The following DCC variants were observed in gnomAD, a reference collection of about 807,000 sequenced individuals.
DCC encodes the protein netrin receptor DCC.
Under a neutral mutation model 172.5 loss-of-function variants are expected in DCC, and 58 were observed. The ratio of observed to expected loss-of-function variants is 0.34; its 90% CI spans 0.27 to 0.42. The LOEUF is 0.42. DCC is among the 10% of genes least tolerant of loss of function. DCC has a pLI of 1.00. For missense variants in DCC, 1,740 were observed against 1,791.0 expected (o/e 0.97, Z 0.51); for synonymous variants, 709 against 644.5 (o/e 1.10, Z -1.52).
intron 15 of DCC, among the ~76,000 whole-genome samples, chr18:53,347,973 G>C (rs1016749375): frequency 6.6e-6 from 1 of 152,034 alleles, no homozygotes; most frequent in Non-Finnish European, 1.5e-5. Context: ...GATGAGATTT[G>C]GGTGGGGACA....
At chr18:52,611,189 C>G (rs1852057254) in intron 1 of DCC, among the ~76,000 whole-genome samples, 1 of 152,094 alleles carries the variant, frequency 6.6e-6, no homozygotes, top group South Asian at 2.1e-4. Flanking sequence ...CTGCTGATTT[C>G]AGCTCACAGG....
intron 23 of DCC, among the ~76,000 whole-genome samples, chr18:53,451,406 G>C (rs1296062827): frequency 6.6e-6 from 1 of 152,182 alleles, no homozygotes; most frequent in African/African-American, 2.4e-5. Flanking sequence ...GTCAGCCAGT[G>C]CTGGGAGTCA....
intron 1 of DCC, among the ~76,000 whole-genome samples, chr18:52,479,744 C>G (rs2029884139): frequency 6.6e-6 from 1 of 152,124 alleles, no homozygotes; most frequent in Non-Finnish European, 1.5e-5. Flanking sequence ...TCTGTACCAA[C>G]ATGGCTAGAA....
chr18:52,646,773 G>T (rs1378161271), intron 1 of DCC, among the ~76,000 whole-genome samples: 1 of 152,174 alleles, frequency 6.6e-6, no homozygotes, highest in Non-Finnish European at 1.5e-5. Context: ...AGTACATGGA[G>T]ACATTCACTA....
intron 15 of DCC, among the ~76,000 whole-genome samples, chr18:53,379,672 T>C (rs1353212754): frequency 6.6e-6 from 1 of 152,224 alleles, no homozygotes; most frequent in African/African-American, 2.4e-5. Flanking sequence ...AATGTGCATT[T>C]ATTTTCTCCT....
At chr18:53,272,501 C>T (rs2056760532) in intron 12 of DCC, among the ~76,000 whole-genome samples, 1 of 152,108 alleles carries the variant, frequency 6.6e-6, no homozygotes, top group African/African-American at 2.4e-5. Context: ...TTTCTGCTAG[C>T]TATCATTACA....
chr18:52,710,643 T>G (rs964092267), intron 1 of DCC, among the ~76,000 whole-genome samples: 8 of 152,222 alleles, frequency 5.3e-5, no homozygotes, highest in African/African-American at 1.9e-4. Flanking sequence ...CATATTTTAC[T>G]GTATTTTTCA....
chr18:52,518,479 C>T (rs1208355515), intron 1 of DCC, among the ~76,000 whole-genome samples: 1 of 152,216 alleles, frequency 6.6e-6, no homozygotes, highest in Non-Finnish European at 1.5e-5. Context: ...GTGTAAATTA[C>T]TCCTTGTGTC....
At chr18:52,572,326 T>C (rs1480185451) in intron 1 of DCC, among the ~76,000 whole-genome samples, 3 of 152,026 alleles carry the variant, frequency 2.0e-5, no homozygotes, top group African/African-American at 7.2e-5. Context: ...AAATCTCTAG[T>C]CCTAAGTTTT....
chr18:52,777,618 G>T (rs2037457517), intron 2 of DCC, among the ~76,000 whole-genome samples: 1 of 151,980 alleles, frequency 6.6e-6, no homozygotes, highest in East Asian at 1.9e-4. Context: ...TTTGGTGGTG[G>T]GGACAATATT....
chr18:53,412,153 T>C (rs1262562358), intron 20 of DCC, among the ~76,000 whole-genome samples: 1 of 152,152 alleles, frequency 6.6e-6, no homozygotes, highest in Admixed American at 6.5e-5. Context: ...CCTAAACACA[T>C]CTAGAAAACT....
At chr18:53,157,109 G>A (rs996245246) in intron 7 of DCC, among the ~76,000 whole-genome samples, 2 of 152,036 alleles carry the variant, frequency 1.3e-5, no homozygotes, top group African/African-American at 4.8e-5. Context: ...AGATCCCATG[G>A]GTAATAGAAA....
intron 5 of DCC, among the ~76,000 whole-genome samples, chr18:53,040,357 T>C (rs761374923): frequency 9.9e-5 from 15 of 151,964 alleles, no homozygotes; most frequent in Non-Finnish European, 2.1e-4. Flanking sequence ...CCTATTTCTC[T>C]GTATTCTGTA....
chr18:53,265,771 C>A (rs1057209051), intron 12 of DCC, among the ~76,000 whole-genome samples: 1 of 152,194 alleles, frequency 6.6e-6, no homozygotes, highest in African/African-American at 2.4e-5. Flanking sequence ...TACAGGGTCT[C>A]CTTGCCATCT....
At chr18:52,562,735 T>C (rs1020908112) in intron 1 of DCC, among the ~76,000 whole-genome samples, 1 of 152,186 alleles carries the variant, frequency 6.6e-6, no homozygotes, top group Non-Finnish European at 1.5e-5. Context: ...TTTATGTCTA[T>C]CTGAACATAT....
rs575976241 is a variant in DCC, at chr18:53,170,122, T to C, written c.1419-8840T>C. Among the ~76,000 whole-genome samples, 21 of 152,270 alleles carry C rather than the reference T, an allele frequency of 1.4e-4. No homozygotes were observed. The East Asian group carries it at 3.5e-3, about 25-fold the overall frequency. ...ATGGCAGGAAATACCATTTTCTCAA[T>C]ATGCTTTTGTATAATGTTAGCAATT... On this transcript the variant is annotated intron_variant, in intron 8 of 28. Transcript: ENST00000442544.
intron 21 of DCC, among the ~76,000 whole-genome samples, chr18:53,430,239 T>G (rs942867985): frequency 5.3e-5 from 8 of 152,128 alleles, no homozygotes; most frequent in African/African-American, 1.9e-4. Context: ...AAGATATACA[T>G]TGAACATTTG....
At chr18:53,035,435 T>C (rs927197413) in intron 5 of DCC, among the ~76,000 whole-genome samples, 5 of 152,144 alleles carry the variant, frequency 3.3e-5, no homozygotes, top group African/African-American at 1.2e-4. Flanking sequence ...TGGATTTCAC[T>C]ATCTGCAGTA....
intron 27 of DCC, among the ~76,000 whole-genome samples, chr18:53,517,271 G>T (rs1398803541): frequency 1.3e-5 from 2 of 151,120 alleles, no homozygotes; most frequent in African/African-American, 4.9e-5. Flanking sequence ...ACACAGGAAG[G>T]GGAACATCAC....
Sources: gnomAD v4.1 joint callset for allele counts (sites outside exome capture counted in the v4.1 genomes callset) on GRCh38, gnomAD v4.1.1 for gene constraint, MANE v1.5 for transcripts, NCBI Gene and HGNC (gene_info 2026-07-23, HGNC 2026-07-21) for gene names.